B3GALT1: variants seen among roughly 807,000 people sequenced by gnomAD.
B3GALT1 encodes the protein beta-1,3-galactosyltransferase 1, also known as UDP-Gal:betaGlcNAc beta 1,3-galactosyltransferase, polypeptide 1.
Under a neutral mutation model 23.2 loss-of-function variants are expected in B3GALT1, and 10 were observed. That is an observed-to-expected ratio of 0.43 (90% CI 0.27 to 0.73). The LOEUF is 0.73. Ranked by LOEUF, B3GALT1 falls within the 30% of genes least tolerant of loss-of-function variation. B3GALT1 has a pLI of 0.21. For missense variants in B3GALT1, 299 were observed against 405.4 expected (o/e 0.74, Z 2.25); for synonymous variants, 156 against 141.5 (o/e 1.10, Z -0.73).
chr2:167,484,352 C>T (rs896468559), intron 1 of B3GALT1, among the ~76,000 whole-genome samples: 5 of 152,182 alleles, frequency 3.3e-5, no homozygotes, highest in African/African-American at 7.2e-5. Flanking sequence ...GAGCCAAATA[C>T]GAGTGGCTAA....
At chr2:167,750,701 C>A (rs1016171940) in intron 3 of B3GALT1, among the ~76,000 whole-genome samples, 9 of 149,124 alleles carry the variant, frequency 6.0e-5, no homozygotes, top group African/African-American at 2.2e-4. Flanking sequence ...AGCAAGTTAA[C>A]CTTAAGGACA....
chr2:167,492,781 A>G (rs1431885820), intron 2 of B3GALT1, among the ~76,000 whole-genome samples: 1 of 152,082 alleles, frequency 6.6e-6, no homozygotes. Context: ...GAATTTTTTC[A>G]GTATGCACTT....
chr2:167,774,443 C>G (rs568344107), intron 3 of B3GALT1, among the ~76,000 whole-genome samples: 4 of 149,826 alleles, frequency 2.7e-5, no homozygotes, highest in Non-Finnish European at 5.9e-5. Flanking sequence ...CTTTGCATAC[C>G]TGCTTCTGTA....
rs1032086480 is a variant in B3GALT1, at chr2:167,430,323, G to A, written c.-510-59854G>A. On this transcript the variant is annotated intron_variant, in intron 1 of 4. Transcript: ENST00000392690. ...AGATGAAGTCAAGGAGTTAATGAGGGACCAGACCCAGTAGGACCTTGTAAA... is the reference window on the plus strand; with the variant it reads ...AGATGAAGTCAAGGAGTTAATGAGGAACCAGACCCAGTAGGACCTTGTAAA... Among the ~76,000 whole-genome samples the A allele has an allele frequency of 3.9e-5, 6 of 152,162 alleles. No homozygotes were observed. In the South Asian group the frequency reaches 1.0e-3, roughly 26 times the overall value.
intron 3 of B3GALT1, among the ~76,000 whole-genome samples, chr2:167,795,798 G>T (rs557012626): frequency 3.0e-4 from 46 of 152,230 alleles, no homozygotes; most frequent in Non-Finnish European, 5.7e-4. Context: ...GCTCTCCAAG[G>T]TTTCCTCCAG....
intron 3 of B3GALT1, among the ~76,000 whole-genome samples, chr2:167,665,985 T>G (rs578030664): frequency 1.3e-5 from 2 of 152,320 alleles, no homozygotes; most frequent in African/African-American, 4.8e-5. Context: ...TGATTTTAGT[T>G]ATTTCTTGCC....
chr2:167,556,149 TGAAAG>T (rs552265521), intron 2 of B3GALT1, among the ~76,000 whole-genome samples: 172 of 152,110 alleles, frequency 1.1e-3, no homozygotes, highest in Admixed American at 3.5e-3. Flanking sequence ...GGACAGGTAA[TGAAAG>T]GAAAGATCAC....
chr2:167,479,000 C>T (rs1179073482), intron 1 of B3GALT1, among the ~76,000 whole-genome samples: 1 of 151,982 alleles, frequency 6.6e-6, no homozygotes, highest in Non-Finnish European at 1.5e-5. Context: ...GGAGGCGAAG[C>T]TTTCAGTGAT....
chr2:167,585,983 A>G (rs1171571236), intron 2 of B3GALT1, among the ~76,000 whole-genome samples: 1 of 152,246 alleles, frequency 6.6e-6, no homozygotes, highest in African/African-American at 2.4e-5. Flanking sequence ...CAAAATAGGC[A>G]TTTGCCCTTT....
chr2:167,489,287 T>C (rs1699669694), intron 1 of B3GALT1, among the ~76,000 whole-genome samples: 1 of 152,176 alleles, frequency 6.6e-6, no homozygotes, highest in South Asian at 2.1e-4. Context: ...TAATGACCTA[T>C]GCATAACAGT....
intron 1 of B3GALT1, among the ~76,000 whole-genome samples, chr2:167,296,578 T>C (rs2105476826): frequency 6.6e-6 from 1 of 152,312 alleles, no homozygotes; most frequent in East Asian, 1.9e-4. Flanking sequence ...ACAAATTGAC[T>C]AATCTATTCT....
chr2:167,739,540 A>G (rs1385786132), intron 3 of B3GALT1, among the ~76,000 whole-genome samples: 5 of 152,190 alleles, frequency 3.3e-5, no homozygotes, highest in Admixed American at 6.5e-5. Context: ...GCTGCCTTCA[A>G]TCACATATTT....
chr2:167,470,410 C>G (rs565398001), intron 1 of B3GALT1, among the ~76,000 whole-genome samples: 16 of 152,224 alleles, frequency 1.1e-4, no homozygotes, highest in Admixed American at 3.3e-4. Context: ...TCTTGGCATT[C>G]TAACTTTAAA....
chr2:167,658,190 T>C (rs1558939318), intron 3 of B3GALT1, among the ~76,000 whole-genome samples: 1 of 152,036 alleles, frequency 6.6e-6, no homozygotes, highest in Non-Finnish European at 1.5e-5. Context: ...AGGCTTCCAT[T>C]CTATTTGAGG....
intron 2 of B3GALT1, among the ~76,000 whole-genome samples, chr2:167,565,990 C>T (rs1316893074): frequency 5.3e-5 from 8 of 152,054 alleles, no homozygotes; most frequent in Non-Finnish European, 1.0e-4. Flanking sequence ...ACCCAGCCAT[C>T]CCATGACTGG....
chr2:167,788,617 A>G (rs768859573), intron 3 of B3GALT1, among the ~76,000 whole-genome samples: 1 of 152,014 alleles, frequency 6.6e-6, no homozygotes, highest in Non-Finnish European at 1.5e-5. Context: ...AGCGATGAGG[A>G]GCAGCTGTAA....
chr2:167,353,676 A>T (rs1697355548), intron 1 of B3GALT1, among the ~76,000 whole-genome samples: 1 of 152,154 alleles, frequency 6.6e-6, no homozygotes, highest in South Asian at 2.1e-4. Flanking sequence ...TTAGACAAAT[A>T]ACAGTATAAA....
In B3GALT1 at chr2:167,837,849, A is replaced by G. The variant is rs1574292237; in HGVS notation, c.-230+19056A>G. Reference sequence around the variant, plus strand: ...TCTCTCTCAGACCACAGTGCAATCAAACTAGAACTCAGGATTAAGAAACTC... The same window carrying G: ...TCTCTCTCAGACCACAGTGCAATCAGACTAGAACTCAGGATTAAGAAACTC... On this transcript the variant is annotated intron_variant, in intron 4 of 4. Transcript: ENST00000392690. Among the ~76,000 whole-genome samples the G allele has an allele frequency of 3.3e-5, 5 of 152,086 alleles. No individual in the cohort carries two copies. The East Asian group carries it at 9.6e-4, about 29-fold the overall frequency.
At chr2:167,545,151 C>T (rs1374534600) in intron 2 of B3GALT1, among the ~76,000 whole-genome samples, 1 of 149,732 alleles carries the variant, frequency 6.7e-6, no homozygotes, top group Non-Finnish European at 1.5e-5. Flanking sequence ...TCTCCTGCCT[C>T]AGCCTCCCGA....
Sources: allele counts gnomAD v4.1 joint callset (sites outside exome capture counted in the v4.1 genomes callset), GRCh38; gene constraint gnomAD v4.1.1; transcripts MANE v1.5; gene names NCBI Gene and HGNC (gene_info 2026-07-23, HGNC 2026-07-21).